CDK14: variants seen among roughly 807,000 people sequenced by gnomAD.
CDK14 encodes the protein cyclin dependent kinase 14, also known as cyclin-dependent kinase 14.
A neutral mutation model predicts 60.7 loss-of-function variants in CDK14; 34 were observed. The observed-to-expected ratio is 0.56, with a 90% CI of 0.43 to 0.75. The LOEUF is 0.75. Among genes scored for constraint, CDK14 ranks in the 30% least tolerant of loss-of-function variants. The pLI is 0.00. For synonymous variants in CDK14, 197 were observed against 203.7 expected (o/e 0.97, Z 0.28); for missense variants, 482 against 564.1 (o/e 0.85, Z 1.47).
At chr7:90,898,459 T>A (rs1792403659) in intron 6 of CDK14, among the ~76,000 whole-genome samples, 1 of 152,108 alleles carries the variant, frequency 6.6e-6, no homozygotes, top group Admixed American at 6.6e-5. Context: ...AATTCAGGCC[T>A]GATATTGGGG....
chr7:90,963,427 A>T (rs1794662619), intron 9 of CDK14, among the ~76,000 whole-genome samples: 1 of 152,088 alleles, frequency 6.6e-6, no homozygotes, highest in Non-Finnish European at 1.5e-5. Flanking sequence ...AAAAAATTAA[A>T]AAAAAATAGA....
intron 9 of CDK14, among the ~76,000 whole-genome samples, chr7:90,971,736 C>G (rs1794940523): frequency 6.7e-6 from 1 of 148,512 alleles, no homozygotes; most frequent in African/African-American, 2.5e-5. Context: ...AGCAAAAATA[C>G]AGCTTTGCCA....
At chr7:91,125,676 T>C (rs1326553936) in intron 14 of CDK14, among the ~76,000 whole-genome samples, 1 of 151,826 alleles carries the variant, frequency 6.6e-6, no homozygotes, top group Non-Finnish European at 1.5e-5. Flanking sequence ...GTACACAATC[T>C]AGAAAAAAAA....
chr7:90,776,922 C>T (rs1009532419), intron 4 of CDK14, among the ~76,000 whole-genome samples: 1 of 152,014 alleles, frequency 6.6e-6, no homozygotes, highest in African/African-American at 2.4e-5. Flanking sequence ...TGACATTCCC[C>T]TTGCACGCTC....
At chr7:91,122,715 T>G (rs1477944718) in intron 14 of CDK14, among the ~76,000 whole-genome samples, 2 of 152,240 alleles carry the variant, frequency 1.3e-5, no homozygotes, top group Non-Finnish European at 2.9e-5. Flanking sequence ...TTATCATTTC[T>G]CTTTGTCCCT....
At chr7:90,832,228 A>ACTCCTATAT (rs1422879462) in intron 5 of CDK14, among the ~76,000 whole-genome samples, 1 of 152,090 alleles carries the variant, frequency 6.6e-6, no homozygotes, top group African/African-American at 2.4e-5. Flanking sequence ...TACTGGTATA[A>ACTCCTATAT]CTCCAGCACC....
chr7:91,060,789 C>T (rs918950023), intron 11 of CDK14, among the ~76,000 whole-genome samples: 1 of 152,182 alleles, frequency 6.6e-6, no homozygotes, highest in Non-Finnish European at 1.5e-5. Context: ...TGATGGGCTT[C>T]CCTTTGTGGG....
intron 8 of CDK14, among the ~76,000 whole-genome samples, chr7:90,918,857 A>T (rs955002416): frequency 2.0e-5 from 3 of 152,212 alleles, no homozygotes; most frequent in African/African-American, 7.2e-5. Flanking sequence ...AAATTCTTTT[A>T]TTCGAAAAAT....
chr7:90,830,389 G>A (rs1194576554), intron 5 of CDK14, among the ~76,000 whole-genome samples: 2 of 152,130 alleles, frequency 1.3e-5, no homozygotes, highest in Non-Finnish European at 2.9e-5. Context: ...AGCTGGAATG[G>A]CCAGGATGCA....
chr7:90,709,526 A>G, intron 2 of CDK14: 5 of 1,612,300 alleles, frequency 3.1e-6, no homozygotes, highest in Non-Finnish European at 3.4e-6. Context: ...TGTGTTGTGA[A>G]TTGCCTTGAC....
intron 8 of CDK14, among the ~76,000 whole-genome samples, chr7:90,954,380 C>G (rs1488584660): frequency 2.0e-5 from 3 of 152,064 alleles, no homozygotes; most frequent in Middle Eastern, 3.4e-3. Context: ...ATAAACATAA[C>G]AGTAAATAAT....
At chr7:90,936,362 G>T (rs1432335871) in intron 8 of CDK14, among the ~76,000 whole-genome samples, 2 of 152,182 alleles carry the variant, frequency 1.3e-5, no homozygotes, top group African/African-American at 2.4e-5. Context: ...CCATGAAATG[G>T]TCACAAATTT....
chr7:91,100,231 A>G (rs1451438179), intron 12 of CDK14, among the ~76,000 whole-genome samples: 1 of 152,186 alleles, frequency 6.6e-6, no homozygotes, highest in Non-Finnish European at 1.5e-5. Flanking sequence ...TATGCTATTT[A>G]TGCATGTAGA....
chr7:91,141,914 C>G (rs544530581), intron 14 of CDK14, among the ~76,000 whole-genome samples: 2 of 152,088 alleles, frequency 1.3e-5, no homozygotes, highest in African/African-American at 2.4e-5. Flanking sequence ...CAAGCTCCGC[C>G]TCCTGGGTTC....
At chr7:91,046,451 A>T (rs1268165860) in intron 11 of CDK14, among the ~76,000 whole-genome samples, 2 of 152,216 alleles carry the variant, frequency 1.3e-5, no homozygotes, top group African/African-American at 4.8e-5. Flanking sequence ...ATATGTTTTC[A>T]TGTAAAATAT....
At chr7:91,008,445 G>T (rs192849895) in intron 10 of CDK14, among the ~76,000 whole-genome samples, 1 of 152,166 alleles carries the variant, frequency 6.6e-6, no homozygotes, top group Non-Finnish European at 1.5e-5. Flanking sequence ...TGAAGTCATT[G>T]TTTGAGGTTT....
At position 90,849,691 on chromosome 7, in the gene CDK14, T is replaced by C. The variant is rs1478189457; in HGVS notation, c.545-13484T>C. Among the ~76,000 whole-genome samples, 2 of 152,008 alleles carry C rather than the reference T, an allele frequency of 1.3e-5. 1 individual carries two copies. The highest frequency in any genetic ancestry group is 4.8e-5 in the African/African-American group (2 of 41,270). Reference sequence around the variant, plus strand: ...AGCACAGGATGGCAGAGGTTCTGATTTTTATAGAAAAGCCAGAGTGTTTAT... The same window carrying C: ...AGCACAGGATGGCAGAGGTTCTGATCTTTATAGAAAAGCCAGAGTGTTTAT... On this transcript the variant is annotated intron_variant, in intron 5 of 14. Coordinates refer to ENST00000380050, the MANE Select transcript of CDK14 (RefSeq NM_001287135.2).
intron 5 of CDK14, among the ~76,000 whole-genome samples, chr7:90,802,993 T>A (rs1396825146): frequency 6.6e-6 from 1 of 152,196 alleles, no homozygotes; most frequent in Non-Finnish European, 1.5e-5. Context: ...CCTGGAGATC[T>A]TGTTGATTGT....
In CDK14 at chr7:90,646,350, G is replaced by A. The variant is rs191624107; in HGVS notation, c.123+42101G>A. On this transcript the variant is annotated intron_variant, in intron 2 of 14. Transcript: ENST00000380050. ...TGGAGGTGATTTTTAATGGTTCAGC[G>A]TGCATGTGAGTATTCTAAGCCCAAA... Among the ~76,000 whole-genome samples, 462 of 149,896 alleles carry A rather than the reference G, an allele frequency of 3.1e-3. 3 individuals carry two copies. Among genetic ancestry groups the A allele is most frequent in the Non-Finnish European group, 6.8e-4 (46 of 67,694 alleles).
Sources: gnomAD v4.1 joint callset for allele counts (sites outside exome capture counted in the v4.1 genomes callset) on GRCh38, gnomAD v4.1.1 for gene constraint, MANE v1.5 for transcripts, NCBI Gene and HGNC (gene_info 2026-07-23, HGNC 2026-07-21) for gene names.